CORO7: variants seen among roughly 807,000 people sequenced by gnomAD.
CORO7 encodes the protein coronin 7, also known as coronin-7.
In CORO7, 107 loss-of-function variants were observed where a neutral mutation model predicts 126.6. The observed-to-expected ratio is 0.85, with a 90% CI of 0.72 to 0.99. The LOEUF (loss-of-function observed/expected upper bound fraction) is 0.99. CORO7 is among the 50% of genes least tolerant of loss of function. The probability of loss-of-function intolerance (pLI) is 0.00; values close to 1 mark genes in which losing one functional copy is unlikely to be tolerated. For synonymous variants in CORO7, 603 were observed against 536.8 expected (o/e 1.12, Z -1.70); for missense variants, 1,314 against 1,255.8 (o/e 1.05, Z -0.70).
chr16:4,398,624 C>T (rs1428007759), intron 6 of CORO7, among the ~76,000 whole-genome samples: 1 of 150,364 alleles, frequency 6.7e-6, no homozygotes, highest in Non-Finnish European at 1.5e-5. Context: ...CGAGATCATG[C>T]CATTGCACTC....
chr16:4,413,184 G>A, intron 2 of CORO7, 124 bp downstream of exon 2: 1 of 989,788 alleles, frequency 1.0e-6, no homozygotes, highest in Non-Finnish European at 1.5e-6. Flanking sequence ...TCACCTCTGA[G>A]CCCCCCAAAG....
chr16:4,361,858 CA>C, intron 16 of CORO7, 126 bp downstream of exon 16: 1 of 1,435,126 alleles, frequency 7.0e-7, no homozygotes, highest in Non-Finnish European at 9.5e-7. Flanking sequence ...GGGAGGATCA[CA>C]GGACAGGCGG....
At position 4,357,233 on chromosome 16, in the gene CORO7, C is replaced by G; in HGVS notation, c.2620G>C (p.Ala874Pro). The G allele has an allele frequency of 6.2e-7, 1 of 1,613,630 alleles. No homozygotes were observed. The highest frequency in any genetic ancestry group is 1.1e-5 in the South Asian group (1 of 91,064). Residue 874 changes from alanine (A) to proline (P), a missense_variant, in exon 26 of 28, where the codon GCT becomes CCT. Physicochemically the swap from Ala to Pro is conservative, Grantham distance 27. Coordinates refer to ENST00000251166, the MANE Select transcript of CORO7 (RefSeq NM_024535.5). ...TGCGCTGAGGATGGGGCCCGACGAGCAGGGGCCTCTCGGGGGGCTTGGCTC... is the reference window on the plus strand; with the variant it reads ...TGCGCTGAGGATGGGGCCCGACGAGGAGGGGCCTCTCGGGGGGCTTGGCTC... Reference protein sequence around the residue: ...PVSQAPREAPARRAPSSAQYL... With the variant: ...PVSQAPREAPPRRAPSSAQYL...
intron 5 of CORO7, 55 bp from the exon 6 acceptor site, chr16:4,405,622 G>T: frequency 6.3e-7 from 1 of 1,586,830 alleles, no homozygotes; most frequent in Non-Finnish European, 8.6e-7. Context: ...CAGGGAAGTG[G>T]GTGGGGGCGG....
chr16:4,413,663 G>C (rs923507047), intron 1 of CORO7, among the ~76,000 whole-genome samples: 1 of 151,926 alleles, frequency 6.6e-6, no homozygotes, highest in African/African-American at 2.4e-5. Flanking sequence ...TCAGCCTCCT[G>C]AGTAGCTGGG....
intron 9 of CORO7, chr16:4,383,204 C>CCTGGGCCCTG (rs2055065663): frequency 2.8e-6 from 1 of 357,096 alleles, no homozygotes; most frequent in South Asian, 1.1e-4. Flanking sequence ...GTAACGCATG[C>CCTGGGCCCTG]CTGGGCCCTG....
At chr16:4,407,906 C>G (rs3761679) in intron 4 of CORO7, among the ~76,000 whole-genome samples, 110,449 of 151,996 alleles carry the variant, frequency 0.73, 40,342 homozygotes, top group Non-Finnish European at 0.76. Context: ...CTAGACCACA[C>G]GGTGTGGTCC....
intron 9 of CORO7, chr16:4,381,813 G>T: frequency 6.2e-7 from 1 of 1,600,594 alleles, no homozygotes. Context: ...TTGGCCCCTG[G>T]GTGCGCGAGA....
chr16:4,393,065 G>T (rs1325913523), intron 7 of CORO7, among the ~76,000 whole-genome samples: 3 of 152,252 alleles, frequency 2.0e-5, no homozygotes, highest in African/African-American at 7.2e-5. Flanking sequence ...GAGGGGAGAG[G>T]AGGAGGAAGG....
intron 9 of CORO7, among the ~76,000 whole-genome samples, chr16:4,375,080 G>A (rs938569629): frequency 6.6e-6 from 1 of 152,070 alleles, no homozygotes; most frequent in Non-Finnish European, 1.5e-5. Flanking sequence ...GGCCACAGGT[G>A]TCCTCCCTGA....
intron 9 of CORO7, among the ~76,000 whole-genome samples, chr16:4,384,974 G>A (rs1244227133): frequency 6.6e-6 from 1 of 152,200 alleles, no homozygotes; most frequent in Non-Finnish European, 1.5e-5. Context: ...AGGGGGCAGT[G>A]GCGGGGGGGT....
At chr16:4,414,315 A>G (rs1457825400) in intron 1 of CORO7, 1 of 152,218 alleles carries the variant, frequency 6.6e-6, no homozygotes, top group Non-Finnish European at 1.5e-5. Context: ...ACCTTTCCAC[A>G]AAGTCTCATA....
At position 4,405,532 on chromosome 16, in the gene CORO7, C is replaced by A; in HGVS notation, c.523G>T (p.Val175Phe). 1.2e-6 allele frequency: 2 copies of A among 1,612,914 alleles called. No homozygotes were observed. Among genetic ancestry groups the A allele is most frequent in the Non-Finnish European group, 1.7e-6 (2 of 1,179,902 alleles). ...ACCAGGGCTCCATCTCGGCTCCAGA[C>A]GGCGCTCTGCACCAGGTCCCCATGG... is the stretch of plus-strand genomic sequence containing the variant. ...AAHGDLVQSA[V>F]WSRDGALVGT... The change falls in exon 6 of 28, where the codon GTC (valine) becomes TTC (phenylalanine). Residue 175 changes from valine to phenylalanine, a missense_variant. Physicochemically the swap from Val to Phe is conservative, Grantham distance 50. Transcript: ENST00000251166.
At chr16:4,411,722 G>A (rs894937409) in intron 3 of CORO7, among the ~76,000 whole-genome samples, 2 of 151,940 alleles carry the variant, frequency 1.3e-5, no homozygotes, top group South Asian at 2.1e-4. Flanking sequence ...TCCCTCACCC[G>A]AAGGCCTCCA....
chr16:4,381,022 G>A (rs1269818567), intron 9 of CORO7: 1 of 1,610,134 alleles, frequency 6.2e-7, no homozygotes, highest in Non-Finnish European at 8.5e-7. Context: ...GGTGCCCCGA[G>A]ACGTGCCACC....
At chr16:4,356,992 G>T in intron 26 of CORO7, 176 bp downstream of exon 26, 1 of 863,646 alleles carries the variant, frequency 1.2e-6, no homozygotes, top group South Asian at 1.7e-5. Context: ...CCCACTTCCC[G>T]GGCCCCATGG....
intron 9 of CORO7, chr16:4,387,664 G>A (rs879507003): frequency 4.1e-5 from 14 of 344,752 alleles, no homozygotes; most frequent in Non-Finnish European, 6.0e-5. Context: ...AAAATGAAGC[G>A]TATTCTTGCA....
rs1397987412 is a variant in CORO7, at chr16:4,361,048, T to C, written c.1812A>G (p.Pro604=). 1.2e-6 allele frequency: 2 copies of C among 1,613,202 alleles called. No individual in the cohort carries two copies. Among genetic ancestry groups the C allele is most frequent in the Admixed American group, 3.3e-5 (2 of 59,996 alleles). Residue 604 remains proline, a synonymous_variant, in exon 19 of 28, where the codon CCA becomes CCG. Transcript: ENST00000251166. The part of the protein sequence containing the change: ...TEKICSLRFH[P]LAANVLASSS... ...ACGAGGCCAGCACATTGGCTGCCAG[T>C]GGGTGGAAGCGCAGGGAGCAGATCT...
chr16:4,403,439 A>C (rs1472784543), intron 6 of CORO7, among the ~76,000 whole-genome samples: 10 of 152,148 alleles, frequency 6.6e-5, no homozygotes, highest in African/African-American at 2.2e-4. Flanking sequence ...GCGTCCCCGC[A>C]GGCGGAATTC....
Sources: allele counts gnomAD v4.1 joint callset (sites outside exome capture counted in the v4.1 genomes callset), GRCh38; gene constraint gnomAD v4.1.1; transcripts MANE v1.5; gene names NCBI Gene and HGNC (gene_info 2026-07-23, HGNC 2026-07-21).